The following CDKL2 variants were observed in gnomAD, a reference collection of about 807,000 sequenced individuals.
CDKL2 encodes cyclin-dependent kinase-like 2.
Under a neutral mutation model 63.9 loss-of-function variants are expected in CDKL2, and 64 were observed. The observed-to-expected ratio is 1.00, with a 90% CI of 0.82 to 1.23. The LOEUF (loss-of-function observed/expected upper bound fraction) is 1.23. CDKL2 is among the 50% of genes most tolerant of loss of function. The pLI, the probability that CDKL2 is intolerant of heterozygous loss-of-function variation, is 0.00. For synonymous variants in CDKL2, 211 were observed against 229.2 expected, an observed-to-expected ratio of 0.92 and a Z score of 0.72; for missense variants, 656 against 668.0, an observed-to-expected ratio of 0.98 and a Z score of 0.20.
intron 2 of CDKL2, among the ~76,000 whole-genome samples, chr4:75,620,931 G>T (rs1408810240): frequency 9.4e-6 from 1 of 106,100 alleles, no homozygotes; most frequent in Middle Eastern, 4.3e-3. Flanking sequence ...AACAATTATA[G>T]CTGAGCATTT....
At chr4:75,610,188 G>A (rs1729626544) in intron 3 of CDKL2, among the ~76,000 whole-genome samples, 1 of 145,190 alleles carries the variant, frequency 6.9e-6, no homozygotes, top group Non-Finnish European at 1.5e-5. Flanking sequence ...GGGCGACAGA[G>A]CGAGCCTCCA....
chr4:75,610,903 G>A (rs538232520), intron 3 of CDKL2, among the ~76,000 whole-genome samples: 22 of 152,182 alleles, frequency 1.4e-4, no homozygotes, highest in African/African-American at 4.8e-4. Flanking sequence ...ACATTAAAAA[G>A]AGAAATGTTA....
chr4:75,629,263 C>G (rs566455503), intron 1 of CDKL2, among the ~76,000 whole-genome samples: 1 of 152,256 alleles, frequency 6.6e-6, no homozygotes, highest in South Asian at 2.1e-4. Flanking sequence ...TATTTGAAAG[C>G]ACAAAGTGAA....
chr4:75,607,958 G>A (rs1729497506), intron 3 of CDKL2, among the ~76,000 whole-genome samples: 1 of 151,572 alleles, frequency 6.6e-6, no homozygotes, highest in South Asian at 2.1e-4. Context: ...GACTACTGGC[G>A]CCTGCCACCA....
intron 3 of CDKL2, among the ~76,000 whole-genome samples, chr4:75,613,129 A>AAAAAAAT (rs1484641964): frequency 6.6e-6 from 1 of 152,002 alleles, no homozygotes; most frequent in Admixed American, 6.6e-5. Context: ...CGTTTCAAAA[A>AAAAAAAT]AAAATAGATT....
At chr4:75,591,684 A>G (rs1379487504) in intron 12 of CDKL2, 135 bp downstream of exon 12, 2 of 582,172 alleles carry the variant, frequency 3.4e-6, no homozygotes, top group Non-Finnish European at 6.0e-6. Flanking sequence ...ATCAAACAAC[A>G]TTTGCAAGCA....
intron 3 of CDKL2, among the ~76,000 whole-genome samples, chr4:75,613,676 TAC>T (rs1729799524): frequency 6.6e-6 from 1 of 152,150 alleles, no homozygotes; most frequent in African/African-American, 2.4e-5. Context: ...AACTAACAAA[TAC>T]ACAGACCCTT....
At chr4:75,602,650 T>C (rs1431262800) in intron 6 of CDKL2, among the ~76,000 whole-genome samples, 1 of 152,084 alleles carries the variant, frequency 6.6e-6, no homozygotes, top group East Asian at 1.9e-4. Flanking sequence ...GCATCCCGAG[T>C]AGCTGGGATT....
intron 12 of CDKL2, among the ~76,000 whole-genome samples, chr4:75,589,459 T>C (rs1296422455): frequency 2.6e-5 from 4 of 151,068 alleles, no homozygotes; most frequent in East Asian, 1.9e-4. Context: ...CGCCTGCCAC[T>C]ACGCCCGGCT....
Position 75,577,806 on chromosome 4 carries a change from G to C in CDKL2, c.*1396C>G, listed in dbSNP as rs1728086404. On this transcript the variant is annotated 3_prime_UTR_variant, in exon 14 of 14. Coordinates refer to ENST00000307465, the MANE Select transcript of CDKL2 (RefSeq NM_001330724.2). ...AATTTTAATTTAACCACCACCTATA[G>C]ACTTGTACATTGAAACCCCTTATTT... Among the ~76,000 whole-genome samples the C allele has an allele frequency of 6.6e-6, 1 of 152,062 alleles. No individual in the cohort carries two copies. Among genetic ancestry groups the C allele is most frequent in the South Asian group, 2.1e-4 (1 of 4,830 alleles).
intron 1 of CDKL2, 51 bp from the exon 2 acceptor site, chr4:75,626,068 C>T: frequency 8.9e-7 from 1 of 1,128,868 alleles, no homozygotes. Context: ...TTAATTTCCT[C>T]CGCCTTCCCA....
At chr4:75,602,264 T>C (rs1233443878) in intron 6 of CDKL2, among the ~76,000 whole-genome samples, 1 of 152,102 alleles carries the variant, frequency 6.6e-6, no homozygotes, top group African/African-American at 2.4e-5. Context: ...CACTGAAACC[T>C]CCACCTCCCA....
chr4:75,578,729 T>A lies in CDKL2; in HGVS notation c.*473A>T, dbSNP rs149384313. ...TTTCTTCAACTGATCCTAATTTTTA[T>A]CACCTACCCCCAAGAAACCCACTCC... is the stretch of plus-strand genomic sequence containing the variant. On this transcript the variant is annotated 3_prime_UTR_variant, in exon 14 of 14. Coordinates refer to ENST00000307465, the MANE Select transcript of CDKL2 (RefSeq NM_001330724.2). 7.1e-4 allele frequency: 109 copies of A among 152,752 alleles called. No homozygotes were observed. The highest frequency in any genetic ancestry group is 2.6e-3 in the African/African-American group (108 of 41,566). The allele number at this position is 152,752 out of a possible 1,614,324, so 9.5% of individuals were successfully genotyped here. A position where few individuals can be genotyped will look rare whatever the true frequency, so the allele number is the denominator to read the frequency against.
At chr4:75,605,358 C>A (rs1729377058) in intron 5 of CDKL2, among the ~76,000 whole-genome samples, 164 bp downstream of exon 5, 1 of 148,684 alleles carries the variant, frequency 6.7e-6, no homozygotes, top group Non-Finnish European at 1.5e-5. Context: ...CATCTCAAAA[C>A]ACACACACAC....
At chr4:75,628,527 C>T (rs1191359059) in intron 1 of CDKL2, among the ~76,000 whole-genome samples, 2 of 152,054 alleles carry the variant, frequency 1.3e-5, no homozygotes, top group Non-Finnish European at 2.9e-5. Flanking sequence ...GGACAAAATG[C>T]TTTCGTACAG....
At chr4:75,611,653 C>CTT (rs1014442944) in intron 3 of CDKL2, among the ~76,000 whole-genome samples, 4 of 134,480 alleles carry the variant, frequency 3.0e-5, no homozygotes, top group African/African-American at 5.4e-5. Context: ...AGGGAACCAC[C>CTT]TTTTTTTTTT....
chr4:75,608,617 C>T (rs1399536449), intron 3 of CDKL2, among the ~76,000 whole-genome samples: 1 of 152,018 alleles, frequency 6.6e-6, no homozygotes. Context: ...GCAGTGGGAC[C>T]AGTATGAGGT....
At chr4:75,604,264 G>C (rs986521967) in intron 5 of CDKL2, among the ~76,000 whole-genome samples, 1 of 152,242 alleles carries the variant, frequency 6.6e-6, no homozygotes, top group African/African-American at 2.4e-5. Flanking sequence ...CATATGGACA[G>C]GATCTAATCT....
chr4:75,627,392 C>T (rs1039563928), intron 1 of CDKL2, among the ~76,000 whole-genome samples: 1 of 151,996 alleles, frequency 6.6e-6, no homozygotes, highest in African/African-American at 2.4e-5. Flanking sequence ...CCTGCCTCCG[C>T]CTCTGAGTAG....
Sources: allele counts gnomAD v4.1 joint callset (sites outside exome capture counted in the v4.1 genomes callset), GRCh38; gene constraint gnomAD v4.1.1; transcripts MANE v1.5; gene names NCBI Gene and HGNC (gene_info 2026-07-23, HGNC 2026-07-21).